NRXN3: variants seen among roughly 807,000 people sequenced by gnomAD.
NRXN3 encodes the protein neurexin III.
In NRXN3, 32 loss-of-function variants were observed where a neutral mutation model predicts 137.6. The ratio of observed to expected loss-of-function variants is 0.23; its 90% CI spans 0.18 to 0.31. The LOEUF (loss-of-function observed/expected upper bound fraction) is 0.31, where lower values mean the gene tolerates loss of function less well. Ranked by LOEUF, NRXN3 falls within the 10% of genes least tolerant of loss-of-function variation. The probability of loss-of-function intolerance (pLI) is 1.00; values close to 1 mark genes in which losing one functional copy is unlikely to be tolerated. For synonymous variants in NRXN3, 798 were observed against 784.5 expected (o/e 1.02, Z -0.29); for missense variants, 1,574 against 2,062.5 (o/e 0.76, Z 4.59).
At chr14:79,121,233 T>C (rs1182570047) in intron 15 of NRXN3, among the ~76,000 whole-genome samples, 1 of 152,242 alleles carries the variant, frequency 6.6e-6, no homozygotes, top group East Asian at 1.9e-4. Flanking sequence ...TCAAGGCGAC[T>C]GAGAGCACCT....
chr14:79,382,591 T>C (rs371944827), intron 15 of NRXN3, among the ~76,000 whole-genome samples: 1 of 152,262 alleles, frequency 6.6e-6, no homozygotes, highest in East Asian at 1.9e-4. Context: ...CCACATTAAC[T>C]ATTGTTGTTA....
chr14:79,702,407 G>A (rs1461459821), intron 19 of NRXN3, among the ~76,000 whole-genome samples: 1 of 152,030 alleles, frequency 6.6e-6, no homozygotes, highest in Non-Finnish European at 1.5e-5. Context: ...GGGATGGCAA[G>A]TGTTGCATGG....
chr14:79,063,377 G>A (rs948111505), intron 15 of NRXN3, among the ~76,000 whole-genome samples: 49 of 151,980 alleles, frequency 3.2e-4, no homozygotes, highest in African/African-American at 1.0e-3. Context: ...TCTGCCTCCC[G>A]GGTTCAAGCT....
chr14:79,533,168 TG>T (rs1438884931), intron 16 of NRXN3, among the ~76,000 whole-genome samples: 1 of 152,174 alleles, frequency 6.6e-6, no homozygotes, highest in African/African-American at 2.4e-5. Flanking sequence ...GAAATGATAT[TG>T]TTTTTATACC....
intron 15 of NRXN3, among the ~76,000 whole-genome samples, chr14:79,445,565 T>A (rs1567148503): frequency 2.0e-5 from 3 of 152,068 alleles, no homozygotes; most frequent in Admixed American, 6.6e-5. Context: ...ACCACTGGGA[T>A]GAGGGAAAGT....
chr14:78,656,317 G>A (rs918899884), intron 6 of NRXN3, among the ~76,000 whole-genome samples: 3 of 152,074 alleles, frequency 2.0e-5, no homozygotes, highest in Non-Finnish European at 4.4e-5. Context: ...TACATCCTGG[G>A]GTTCAGGGAG....
At chr14:78,394,191 A>C (rs2091162393) in intron 4 of NRXN3, among the ~76,000 whole-genome samples, 1 of 152,002 alleles carries the variant, frequency 6.6e-6, no homozygotes, top group African/African-American at 2.4e-5. Flanking sequence ...AGGGCAAAGC[A>C]TTCAGTCAAG....
intron 15 of NRXN3, chr14:79,279,318 T>C (rs1334244803): frequency 2.0e-6 from 2 of 981,806 alleles, no homozygotes; most frequent in Non-Finnish European, 1.2e-6. Context: ...ACTGATTTGC[T>C]CTCGGGAGTG....
At chr14:79,856,544 T>C (rs1159470159) in intron 20 of NRXN3, among the ~76,000 whole-genome samples, 3 of 152,070 alleles carry the variant, frequency 2.0e-5, no homozygotes, top group African/African-American at 7.2e-5. Context: ...ACTGTTTTGG[T>C]ATTTTCGTGA....
chr14:79,526,885 A>C (rs1047332081), intron 16 of NRXN3, among the ~76,000 whole-genome samples: 14 of 152,372 alleles, frequency 9.2e-5, no homozygotes, highest in African/African-American at 3.1e-4. Context: ...GGAGGGTAGC[A>C]GGAGTTAAAT....
At chr14:79,508,703 C>G (rs2096903811) in intron 16 of NRXN3, among the ~76,000 whole-genome samples, 1 of 151,788 alleles carries the variant, frequency 6.6e-6, no homozygotes, top group African/African-American at 2.4e-5. Context: ...AAAACAATAA[C>G]TGATTTTTTA....
At chr14:79,088,789 C>T (rs963646505) in intron 15 of NRXN3, among the ~76,000 whole-genome samples, 1 of 151,966 alleles carries the variant, frequency 6.6e-6, no homozygotes, top group Non-Finnish European at 1.5e-5. Context: ...GAAAATGTGC[C>T]TTCCTGGTTA....
chr14:78,188,473 AC>A (rs1212308980), intron 1 of NRXN3, among the ~76,000 whole-genome samples: 3 of 152,190 alleles, frequency 2.0e-5, no homozygotes, highest in Non-Finnish European at 4.4e-5. Flanking sequence ...AAATCAGGAA[AC>A]CAAGGCAGAA....
At chr14:79,433,489 TTA>T (rs1364389014) in intron 15 of NRXN3, among the ~76,000 whole-genome samples, 2 of 152,170 alleles carry the variant, frequency 1.3e-5, no homozygotes, top group Non-Finnish European at 2.9e-5. Context: ...TAGGTCTTTG[TTA>T]TGTCTCCAGA....
intron 16 of NRXN3, among the ~76,000 whole-genome samples, chr14:79,489,231 AC>A (rs1348954911): frequency 1.3e-5 from 2 of 152,008 alleles, no homozygotes; most frequent in African/African-American, 4.8e-5. Flanking sequence ...AGGTGTCTAC[AC>A]CTTTTTCTCT....
At chr14:78,555,430 GTTTA>G (rs761748554) in intron 4 of NRXN3, among the ~76,000 whole-genome samples, 34 of 152,116 alleles carry the variant, frequency 2.2e-4, no homozygotes, top group Non-Finnish European at 4.3e-4. Flanking sequence ...TTAATTGTTT[GTTTA>G]TTTGTTTCTA....
At chr14:78,762,534 C>G (rs1046203619) in intron 8 of NRXN3, among the ~76,000 whole-genome samples, 2 of 151,980 alleles carry the variant, frequency 1.3e-5, no homozygotes, top group African/African-American at 4.8e-5. Flanking sequence ...GTCTGTCATC[C>G]CCTAGCCCAT....
chr14:79,465,927 T>C (rs771322844), intron 15 of NRXN3, among the ~76,000 whole-genome samples: 7 of 152,368 alleles, frequency 4.6e-5, no homozygotes, highest in African/African-American at 1.4e-4. Context: ...CAAATCTAAA[T>C]GATTTTCTCC....
intron 15 of NRXN3, among the ~76,000 whole-genome samples, chr14:79,105,587 A>G (rs1334920940): frequency 6.6e-6 from 1 of 152,082 alleles, no homozygotes; most frequent in Non-Finnish European, 1.5e-5. Flanking sequence ...CTTCCCAAGC[A>G]TTTCCCCATG....
Sources: gnomAD v4.1 joint callset for allele counts (sites outside exome capture counted in the v4.1 genomes callset) on GRCh38, gnomAD v4.1.1 for gene constraint, MANE v1.5 for transcripts, NCBI Gene and HGNC (gene_info 2026-07-23, HGNC 2026-07-21) for gene names.